Variants in KANSL1L observed in about 807,000 individuals in gnomAD.
KANSL1L encodes KAT8 regulatory NSL complex subunit 1-like protein.
Under a neutral mutation model 108.6 loss-of-function variants are expected in KANSL1L, and 25 were observed. The observed-to-expected ratio is 0.23, with a 90% confidence interval of 0.17 to 0.32. KANSL1L has a LOEUF of 0.32. KANSL1L is among the 10% of genes least tolerant of loss of function. KANSL1L has a pLI of 1.00. For synonymous variants in KANSL1L, 405 were observed against 395.1 expected, an observed-to-expected ratio of 1.03 and a Z score of -0.30; for missense variants, 1,137 against 1,125.7, an observed-to-expected ratio of 1.01 and a Z score of -0.14.
chr2:210,047,475 T>C (rs1027316619), intron 6 of KANSL1L, among the ~76,000 whole-genome samples: 1 of 152,206 alleles, frequency 6.6e-6, no homozygotes, highest in African/African-American at 2.4e-5. Context: ...TTTGCCACTT[T>C]ATAACAAGGA....
At chr2:210,108,576 A>G (rs2094873682) in intron 3 of KANSL1L, among the ~76,000 whole-genome samples, 1 of 152,208 alleles carries the variant, frequency 6.6e-6, no homozygotes, top group East Asian at 1.9e-4. Flanking sequence ...TGAAATATCT[A>G]AATTGTTTTA....
At chr2:210,063,470 C>T (rs1479645846) in intron 6 of KANSL1L, among the ~76,000 whole-genome samples, 7 of 152,050 alleles carry the variant, frequency 4.6e-5, no homozygotes, top group East Asian at 1.9e-4. Context: ...ACTGTGTGCC[C>T]GGAAAAGCTG....
intron 10 of KANSL1L, among the ~76,000 whole-genome samples, 162 bp downstream of exon 10, chr2:210,029,641 G>T (rs1158910999): frequency 6.7e-6 from 1 of 149,380 alleles, no homozygotes; most frequent in Non-Finnish European, 1.5e-5. Context: ...TTAAAAATAA[G>T]TTGTATGAAT....
intron 5 of KANSL1L, among the ~76,000 whole-genome samples, chr2:210,086,898 T>C (rs1449153287): frequency 6.6e-6 from 1 of 152,128 alleles, no homozygotes; most frequent in Non-Finnish European, 1.5e-5. Flanking sequence ...ATTTATGAGT[T>C]TCCTTATCTG....
chr2:210,076,167 C>A (rs2094540802), intron 5 of KANSL1L, among the ~76,000 whole-genome samples: 1 of 151,900 alleles, frequency 6.6e-6, no homozygotes, highest in African/African-American at 2.4e-5. Context: ...TTATTAGTTT[C>A]TGTTTTTTTT....
intron 2 of KANSL1L, among the ~76,000 whole-genome samples, chr2:210,137,893 T>C (rs2095189194): frequency 6.6e-6 from 1 of 152,080 alleles, no homozygotes; most frequent in Non-Finnish European, 1.5e-5. Context: ...TAGCCAGGCA[T>C]GGTGGTGCAT....
rs563162418 is a variant in KANSL1L, at chr2:210,044,363, T to G, written c.1756-259A>C. On this transcript the variant is annotated intron_variant, in intron 6 of 14. Transcript: ENST00000281772. The surrounding 1 kb of genome is among the most constrained non-coding windows in gnomAD (Gnocchi z 4.2). ...TTTCTTTTTCTAATAATATATAGCT[T>G]CTTCTAGTCTTTGATTATCTAAACA... is the stretch of plus-strand genomic sequence containing the variant. 6.6e-6 allele frequency among the ~76,000 whole-genome samples: 1 copy of G among 152,226 alleles called. No homozygotes were observed. Among genetic ancestry groups the G allele is most frequent in the East Asian group, 1.9e-4 (1 of 5,180 alleles).
chr2:210,067,244 G>C (rs2094472859), intron 6 of KANSL1L, among the ~76,000 whole-genome samples: 1 of 151,886 alleles, frequency 6.6e-6, no homozygotes, highest in Non-Finnish European at 1.5e-5. Flanking sequence ...GAAACTTCTT[G>C]GTCTCCATAA....
intron 2 of KANSL1L, among the ~76,000 whole-genome samples, chr2:210,143,827 ATTT>A (rs2095247150): frequency 6.6e-6 from 1 of 152,142 alleles, no homozygotes. Context: ...TGTAGCTATT[ATTT>A]TAATAGCTTT....
At chr2:210,040,394 G>T in intron 8 of KANSL1L, 26 bp downstream of exon 8, 1 of 1,051,236 alleles carries the variant, frequency 9.5e-7, no homozygotes, top group Non-Finnish European at 1.5e-6. Context: ...GGCATATAGA[G>T]TACAAGAACT....
chr2:210,100,123 C>T (rs1034452204), intron 4 of KANSL1L, among the ~76,000 whole-genome samples: 2 of 152,128 alleles, frequency 1.3e-5, no homozygotes, highest in African/African-American at 2.4e-5. Context: ...ACCTGAGCTC[C>T]GCCTCCTGTC....
At chr2:210,126,208 T>TA (rs895299597) in intron 3 of KANSL1L, among the ~76,000 whole-genome samples, 3 of 152,112 alleles carry the variant, frequency 2.0e-5, no homozygotes, top group African/African-American at 7.2e-5. Flanking sequence ...CAATTCCACT[T>TA]ACAACAGCAT....
chr2:210,053,682 T>C (rs1033802904), intron 6 of KANSL1L, among the ~76,000 whole-genome samples: 5 of 151,946 alleles, frequency 3.3e-5, no homozygotes, highest in African/African-American at 1.2e-4. Context: ...CCAAAAAGTA[T>C]AATGAAAAGG....
At chr2:210,130,243 G>A (rs762976583) in intron 2 of KANSL1L, among the ~76,000 whole-genome samples, 2 of 152,162 alleles carry the variant, frequency 1.3e-5, no homozygotes, top group African/African-American at 2.4e-5. Flanking sequence ...GAAAGGTTAT[G>A]CATTTGTAGC....
In KANSL1L at chr2:210,022,684, C is replaced by T. The variant is rs1396755716; in HGVS notation, c.*265G>A. On this transcript the variant is annotated 3_prime_UTR_variant, in exon 15 of 15. Coordinates refer to ENST00000281772, the MANE Select transcript of KANSL1L (RefSeq NM_152519.4). ...ATTACCCAGTAATGTGATTTGACATCAAGTTGCAGCAATTAATATCTTGGT... is the reference window on the plus strand; with the variant it reads ...ATTACCCAGTAATGTGATTTGACATTAAGTTGCAGCAATTAATATCTTGGT... 2.4e-6 allele frequency: 1 copy of T among 408,372 alleles called. No homozygotes were observed. Among genetic ancestry groups the T allele is most frequent in the Non-Finnish European group, 4.5e-6 (1 of 224,076 alleles). The allele number at this position is 408,372 out of a possible 1,614,324, so 25.3% of individuals were successfully genotyped here.
intron 7 of KANSL1L, among the ~76,000 whole-genome samples, chr2:210,042,363 GTAGA>G (rs1184803239): frequency 2.6e-5 from 4 of 152,176 alleles, no homozygotes; most frequent in African/African-American, 4.8e-5. Flanking sequence ...TCATGAAATA[GTAGA>G]TAAACAATCT....
At chr2:210,168,565 T>C (rs1045739247) in intron 1 of KANSL1L, among the ~76,000 whole-genome samples, 4 of 152,092 alleles carry the variant, frequency 2.6e-5, no homozygotes, top group African/African-American at 9.6e-5. Context: ...AACCTTTACG[T>C]TAATTTCATA....
chr2:210,067,736 AAAAAAAAAT>A (rs2094477083), intron 6 of KANSL1L, among the ~76,000 whole-genome samples: 2 of 150,974 alleles, frequency 1.3e-5, no homozygotes, highest in Non-Finnish European at 3.0e-5. Flanking sequence ...AAAAAAAAAA[AAAAAAAAAT>A]TGATGTAGTA....
At position 210,060,934 on chromosome 2, in the gene KANSL1L, G is replaced by A. The variant is rs571034232; in HGVS notation, c.1755+14618C>T. On this transcript the variant is annotated intron_variant, in intron 6 of 14. Transcript: ENST00000281772. The stretch of plus-strand genomic sequence containing the variant: ...ATTTATTTATTATTGCTCAAGGGCT[G>A]CAACTATTAATAGAGAAGAAGTAAT... 7.9e-5 allele frequency among the ~76,000 whole-genome samples: 12 copies of A among 152,330 alleles called. No homozygotes were observed. In the East Asian group the frequency reaches 1.9e-3, roughly 24 times the overall value.
Sources: allele counts gnomAD v4.1 joint callset (sites outside exome capture counted in the v4.1 genomes callset), GRCh38; gene constraint gnomAD v4.1.1; non-coding constraint Gnocchi (gnomAD v3.1); transcripts MANE v1.5; gene names NCBI Gene and HGNC (gene_info 2026-07-23, HGNC 2026-07-21).